Variants in ZNF804B observed in about 807,000 individuals in gnomAD.
The protein encoded by ZNF804B is zinc finger protein 804B.
Under a neutral mutation model 101.4 loss-of-function variants are expected in ZNF804B, and 80 were observed. The observed-to-expected ratio is 0.79, with a 90% CI of 0.66 to 0.95. The LOEUF is 0.95. Among genes scored for constraint, ZNF804B ranks in the 40% least tolerant of loss-of-function variants. The probability of loss-of-function intolerance (pLI) is 0.00; values close to 1 mark genes in which losing one functional copy is unlikely to be tolerated. For synonymous variants in ZNF804B, 622 were observed against 558.8 expected, an observed-to-expected ratio of 1.11 and a Z score of -1.59; for missense variants, 1,673 against 1,561.9, an observed-to-expected ratio of 1.07 and a Z score of -1.20.
intron 1 of ZNF804B, among the ~76,000 whole-genome samples, chr7:88,797,726 A>G (rs540146891): frequency 2.0e-5 from 3 of 152,164 alleles, no homozygotes; most frequent in South Asian, 2.1e-4. Context: ...TGACAGCCCA[A>G]TTTCTTCCCT....
At chr7:89,298,257 T>TACAC (rs1554391321) in intron 2 of ZNF804B, among the ~76,000 whole-genome samples, 15 of 108,414 alleles carry the variant, frequency 1.4e-4, no homozygotes, top group African/African-American at 4.9e-4. Flanking sequence ...TATATATATA[T>TACAC]ACTTTAAGTT....
chr7:88,867,774 G>A (rs1202084967), intron 1 of ZNF804B, among the ~76,000 whole-genome samples: 1 of 152,060 alleles, frequency 6.6e-6, no homozygotes, highest in Non-Finnish European at 1.5e-5. Context: ...CTAGAAAATA[G>A]TATCTCATTT....
intron 1 of ZNF804B, among the ~76,000 whole-genome samples, chr7:88,769,519 T>C (rs1027144330): frequency 6.6e-6 from 1 of 152,210 alleles, no homozygotes; most frequent in Non-Finnish European, 1.5e-5. Flanking sequence ...ATTGGTGTAA[T>C]TTGTACATGA....
Position 88,904,854 on chromosome 7 carries a change from T to G in ZNF804B, c.108+144770T>G, listed in dbSNP as rs373734069. 3.9e-5 allele frequency among the ~76,000 whole-genome samples: 6 copies of G among 152,194 alleles called. No homozygotes were observed. In the South Asian group the frequency reaches 1.2e-3, roughly 32 times the overall value. The stretch of plus-strand genomic sequence containing the variant: ...TCAGTTCTAGGAGTCTTTTGCGAGT[T>G]TTTAGGGTTTTCCATGTATAGAATT... On this transcript the variant is annotated intron_variant, in intron 1 of 3. Transcript: ENST00000333190.
intron 1 of ZNF804B, among the ~76,000 whole-genome samples, chr7:89,109,854 C>T (rs533567186): frequency 6.6e-6 from 1 of 152,106 alleles, no homozygotes; most frequent in Non-Finnish European, 1.5e-5. Context: ...GTTTATATGT[C>T]TTACTAGTGC....
At chr7:89,285,418 G>A (rs982902393) in intron 2 of ZNF804B, among the ~76,000 whole-genome samples, 1 of 149,352 alleles carries the variant, frequency 6.7e-6, no homozygotes, top group Non-Finnish European at 1.5e-5. Flanking sequence ...AGCTACTTGG[G>A]AGGCTGAGGC....
intron 1 of ZNF804B, among the ~76,000 whole-genome samples, chr7:89,062,134 T>G (rs558671152): frequency 1.3e-5 from 2 of 152,206 alleles, no homozygotes; most frequent in South Asian, 4.1e-4. Context: ...CATCTACCCT[T>G]TACTCTGTCA....
At chr7:89,087,889 T>G (rs995749214) in intron 1 of ZNF804B, among the ~76,000 whole-genome samples, 10 of 151,838 alleles carry the variant, frequency 6.6e-5, no homozygotes, top group Non-Finnish European at 1.3e-4. Context: ...ACAGGAAATG[T>G]CCATGTTCAA....
intron 2 of ZNF804B, among the ~76,000 whole-genome samples, chr7:89,312,721 C>T (rs1790663674): frequency 6.6e-6 from 1 of 151,732 alleles, no homozygotes; most frequent in Non-Finnish European, 1.5e-5. Flanking sequence ...CAGCTGGGTG[C>T]TGTGATGCAT....
intron 1 of ZNF804B, among the ~76,000 whole-genome samples, chr7:88,859,434 A>ATAAT (rs139264514): frequency 0.016 from 2,502 of 152,242 alleles, 52 homozygotes; most frequent in African/African-American, 0.041. Flanking sequence ...TTTAAAAATA[A>ATAAT]TAATTCAATC....
At chr7:89,029,917 A>T (rs755137635) in intron 1 of ZNF804B, among the ~76,000 whole-genome samples, 11 of 152,204 alleles carry the variant, frequency 7.2e-5, no homozygotes, top group Non-Finnish European at 1.2e-4. Flanking sequence ...GTACAAAAAG[A>T]AAAGGCTCTG....
intron 1 of ZNF804B, among the ~76,000 whole-genome samples, chr7:88,925,521 G>A (rs1792784125): frequency 6.6e-6 from 1 of 152,164 alleles, no homozygotes; most frequent in Non-Finnish European, 1.5e-5. Context: ...GCGGTGGAAA[G>A]ACCACATGAG....
intron 1 of ZNF804B, among the ~76,000 whole-genome samples, chr7:89,132,159 CACGCACACAT>C (rs1384073320): frequency 9.9e-5 from 9 of 91,308 alleles, no homozygotes; most frequent in African/African-American, 5.4e-4. Flanking sequence ...AATGAGAACA[CACGCACACAT>C]ACACACACAC....
intron 1 of ZNF804B, among the ~76,000 whole-genome samples, chr7:88,873,609 T>C (rs988768493): frequency 1.3e-5 from 2 of 152,106 alleles, no homozygotes; most frequent in African/African-American, 2.4e-5. Flanking sequence ...TTAGGTTGAA[T>C]GTTTAAGTCT....
intron 1 of ZNF804B, among the ~76,000 whole-genome samples, chr7:89,208,531 G>A (rs1272886797): frequency 2.6e-5 from 4 of 152,160 alleles, no homozygotes; most frequent in African/African-American, 9.7e-5. Flanking sequence ...ATGATTAAGC[G>A]ATTAAGCAAT....
At chr7:89,238,358 C>G (rs1330362397) in intron 2 of ZNF804B, among the ~76,000 whole-genome samples, 1 of 152,048 alleles carries the variant, frequency 6.6e-6, no homozygotes, top group Non-Finnish European at 1.5e-5. Flanking sequence ...TACTAGTTTT[C>G]TAAACTAAGG....
chr7:89,091,109 T>C (rs17396665), intron 1 of ZNF804B, among the ~76,000 whole-genome samples: 4,510 of 152,204 alleles, frequency 0.03, 101 homozygotes, highest in Non-Finnish European at 0.044. Flanking sequence ...GTAAATTTAA[T>C]GATAGCTTTT....
intron 1 of ZNF804B, among the ~76,000 whole-genome samples, chr7:88,828,210 A>G (rs1166015929): frequency 6.6e-6 from 1 of 152,114 alleles, no homozygotes; most frequent in East Asian, 1.9e-4. Context: ...TGTAATTAAT[A>G]TGCAATAAAT....
intron 2 of ZNF804B, among the ~76,000 whole-genome samples, chr7:89,326,739 A>G (rs1790902417): frequency 6.6e-6 from 1 of 152,078 alleles, no homozygotes; most frequent in African/African-American, 2.4e-5. Flanking sequence ...GTGAATTTAA[A>G]TCAAGCAGGG....
Sources: allele counts gnomAD v4.1 joint callset (sites outside exome capture counted in the v4.1 genomes callset), GRCh38; gene constraint gnomAD v4.1.1; transcripts MANE v1.5; gene names NCBI Gene and HGNC (gene_info 2026-07-23, HGNC 2026-07-21).